MYRFL: variants seen among roughly 807,000 people sequenced by gnomAD.
MYRFL encodes the protein myelin regulatory factor like.
In MYRFL, 88 loss-of-function variants were observed where a neutral mutation model predicts 109.4. That is an observed-to-expected ratio of 0.80 (90% CI 0.68 to 0.96). MYRFL has a LOEUF of 0.96. MYRFL is among the 40% of genes least tolerant of loss of function. The probability of loss-of-function intolerance (pLI) is 0.00; values close to 1 mark genes in which losing one functional copy is unlikely to be tolerated. For synonymous variants in MYRFL, 324 were observed against 320.9 expected (o/e 1.01, Z -0.10); for missense variants, 957 against 954.9 (o/e 1.00, Z -0.03).
At chr12:69,898,165 AAAG>A (rs1464227713) in intron 10 of MYRFL, among the ~76,000 whole-genome samples, 2 of 152,360 alleles carry the variant, frequency 1.3e-5, no homozygotes, top group South Asian at 2.1e-4. Flanking sequence ...CTGAGGAAGA[AAAG>A]AAGATCTGCC....
At chr12:69,873,391 A>C (rs1443077159) in intron 2 of MYRFL, among the ~76,000 whole-genome samples, 1 of 152,162 alleles carries the variant, frequency 6.6e-6, no homozygotes. Context: ...ATCTCAGCAC[A>C]CGATTTTTTT....
chr12:69,904,660 T>C (rs1185220698), intron 11 of MYRFL, among the ~76,000 whole-genome samples: 1 of 152,162 alleles, frequency 6.6e-6, no homozygotes, highest in Non-Finnish European at 1.5e-5. Context: ...AGGATGAGGA[T>C]TAAGCTTCCA....
intron 1 of MYRFL, among the ~76,000 whole-genome samples, chr12:69,851,361 T>C (rs935041479): frequency 3.9e-5 from 6 of 152,212 alleles, no homozygotes; most frequent in Non-Finnish European, 8.8e-5. Flanking sequence ...AAAGAAATAA[T>C]TTTTGCTGAA....
In MYRFL at chr12:69,825,244, T is replaced by C. The variant is rs1365535155; in HGVS notation, c.-274T>C. 5.0e-6 allele frequency: 3 copies of C among 605,750 alleles called. No homozygotes were observed. The highest frequency in any genetic ancestry group is 2.7e-5 in the Admixed American group (1 of 37,388). 37.5% of individuals were successfully genotyped at this position (605,750 alleles called of 1,614,324 possible). ...CGAAAAGCAGAGTAGAAACAGTTCC[T>C]TATATTAAGACAGATGAATTTGCTA... On this transcript the variant is annotated 5_prime_UTR_variant, in exon 1 of 25. Coordinates refer to ENST00000552032, the MANE Select transcript of MYRFL (RefSeq NM_182530.3).
At position 69,827,614 on chromosome 12, in the gene MYRFL, G is replaced by A. The variant is rs185306136; in HGVS notation, c.46+2051G>A. ...TTCAAAAAAAAGGTTGTCATAAGAC[G>A]GGTGCATTGTTTTATTTATAATAAC... On this transcript the variant is annotated intron_variant, in intron 1 of 24. Transcript: ENST00000552032. 2.8e-3 allele frequency among the ~76,000 whole-genome samples: 431 copies of A among 152,072 alleles called. 2 individuals are homozygous for A. Among genetic ancestry groups the A allele is most frequent in the African/African-American group, 9.5e-3 (396 of 41,512 alleles).
intron 2 of MYRFL, among the ~76,000 whole-genome samples, chr12:69,869,588 T>C (rs1476839702): frequency 2.0e-5 from 3 of 152,192 alleles, no homozygotes; most frequent in Non-Finnish European, 4.4e-5. Flanking sequence ...TCTTTCGTAT[T>C]TGTTATGCAC....
At chr12:69,898,976 C>T (rs1316177451) in intron 10 of MYRFL, among the ~76,000 whole-genome samples, 2 of 152,108 alleles carry the variant, frequency 1.3e-5, no homozygotes, top group Non-Finnish European at 2.9e-5. Context: ...TTTGAGAAGT[C>T]GAAAGTTCCA....
intron 2 of MYRFL, among the ~76,000 whole-genome samples, chr12:69,876,348 G>A (rs1322442891): frequency 6.6e-6 from 1 of 152,016 alleles, no homozygotes; most frequent in Non-Finnish European, 1.5e-5. Flanking sequence ...CTAGTTTCCA[G>A]TGTCTTTGGG....
At chr12:69,937,961 C>T (rs764234617) in intron 19 of MYRFL, among the ~76,000 whole-genome samples, 26 of 151,666 alleles carry the variant, frequency 1.7e-4, no homozygotes, top group Non-Finnish European at 3.4e-4. Context: ...AGCCTACAAA[C>T]GAGGTGCTTT....
At chr12:69,855,887 A>G (rs1162686091) in intron 2 of MYRFL, among the ~76,000 whole-genome samples, 4 of 150,356 alleles carry the variant, frequency 2.7e-5, no homozygotes, top group Non-Finnish European at 5.9e-5. Flanking sequence ...TTTGTTTTCT[A>G]TTTCATTGAT....
chr12:69,893,571 T>C lies in MYRFL; in HGVS notation c.904-193T>C, dbSNP rs918797993. Among the ~76,000 whole-genome samples, 7 of 152,312 alleles carry C rather than the reference T, an allele frequency of 4.6e-5. No individual in the cohort carries two copies. In the East Asian group the frequency reaches 1.2e-3, roughly 25 times the overall value. ...CTCATTGTTTAATTTCACAGGTATT[T>C]ATTTCTTTCCTCATCAACAGAATAC... On this transcript the variant is annotated intron_variant, in intron 7 of 24. Transcript: ENST00000552032.
intron 7 of MYRFL, among the ~76,000 whole-genome samples, chr12:69,892,732 T>A (rs1222845787): frequency 2.0e-5 from 3 of 152,154 alleles, no homozygotes; most frequent in East Asian, 3.8e-4. Context: ...AAAAAGACAT[T>A]CTTTGTATGA....
chr12:69,923,172 C>T (rs1954964127), intron 13 of MYRFL, among the ~76,000 whole-genome samples: 1 of 152,148 alleles, frequency 6.6e-6, no homozygotes, highest in African/African-American at 2.4e-5. Flanking sequence ...CCAATGAGAG[C>T]TTCTTCAGTT....
chr12:69,932,667 A>G, intron 16 of MYRFL, 69 bp downstream of exon 16: 2 of 1,167,412 alleles, frequency 1.7e-6, no homozygotes, highest in East Asian at 2.5e-5. Flanking sequence ...TTTATCACAT[A>G]TGAACTGGGG....
chr12:69,899,040 G>T (rs993652798), intron 10 of MYRFL, among the ~76,000 whole-genome samples: 20 of 152,190 alleles, frequency 1.3e-4, no homozygotes, highest in South Asian at 4.1e-4. Context: ...AGCATAGTTT[G>T]GGTGTCATGC....
intron 13 of MYRFL, among the ~76,000 whole-genome samples, chr12:69,925,926 G>A (rs749422842): frequency 3.9e-5 from 6 of 152,226 alleles, no homozygotes; most frequent in Admixed American, 1.3e-4. Context: ...ATTGCATTTT[G>A]TCTGGAGTCT....
chr12:69,898,342 G>A (rs555397000), intron 10 of MYRFL, among the ~76,000 whole-genome samples: 2 of 152,284 alleles, frequency 1.3e-5, no homozygotes, highest in South Asian at 4.1e-4. Context: ...ATAGAAATGA[G>A]GTAAAACACG....
intron 5 of MYRFL, among the ~76,000 whole-genome samples, chr12:69,880,951 G>GTTTTTTTTTTTTTTTTTTTTTTT (rs71094746): frequency 6.2e-5 from 7 of 112,626 alleles, no homozygotes; most frequent in Non-Finnish European, 1.3e-4. Flanking sequence ...CAGCCTTCCT[G>GTTTTTTTTTTTTTTTTTTTTTTT]TTTTTTTTTT....
At chr12:69,912,450 C>G (rs1422102202) in intron 13 of MYRFL, among the ~76,000 whole-genome samples, 1 of 152,154 alleles carries the variant, frequency 6.6e-6, no homozygotes, top group African/African-American at 2.4e-5. Flanking sequence ...AACTCTGTAC[C>G]TGTAAAACAA....
Sources: gnomAD v4.1 joint callset for allele counts (sites outside exome capture counted in the v4.1 genomes callset) on GRCh38, gnomAD v4.1.1 for gene constraint, MANE v1.5 for transcripts, NCBI Gene and HGNC (gene_info 2026-07-23, HGNC 2026-07-21) for gene names.